Variants in SELENOT observed in about 807,000 individuals in gnomAD.
SELENOT encodes the protein selenoprotein T.
In SELENOT, 9 loss-of-function variants were observed where a neutral mutation model predicts 24.3. That is an observed-to-expected ratio of 0.37 (90% CI 0.22 to 0.65). The LOEUF (loss-of-function observed/expected upper bound fraction) is 0.65, where lower values mean the gene tolerates loss of function less well. Among genes scored for constraint, SELENOT ranks in the 30% least tolerant of loss-of-function variants. The pLI is 0.60. For synonymous variants in SELENOT, 81 were observed against 86.0 expected (o/e 0.94, Z 0.32); for missense variants, 166 against 247.6 (o/e 0.67, Z 2.21).
At chr3:150,605,040 A>AAAAAG (rs1175487807) in intron 1 of SELENOT, among the ~76,000 whole-genome samples, 2 of 151,474 alleles carry the variant, frequency 1.3e-5, no homozygotes, top group African/African-American at 4.8e-5. Context: ...TCCGTCTCAA[A>AAAAAG]AAAAAAAAAA....
chr3:150,615,799 C>T (rs1726198525), intron 1 of SELENOT, among the ~76,000 whole-genome samples: 1 of 152,100 alleles, frequency 6.6e-6, no homozygotes, highest in Admixed American at 6.6e-5. Flanking sequence ...GATTCAATGC[C>T]ATCCCCATCA....
intron 1 of SELENOT, among the ~76,000 whole-genome samples, chr3:150,606,300 G>A (rs1039689494): frequency 2.6e-5 from 4 of 151,722 alleles, no homozygotes; most frequent in Non-Finnish European, 5.9e-5. Flanking sequence ...GCACCACCAC[G>A]CCTGGCTAAT....
intron 3 of SELENOT, among the ~76,000 whole-genome samples, chr3:150,624,188 G>A (rs1726395787): frequency 1.3e-5 from 2 of 152,218 alleles, no homozygotes; most frequent in Middle Eastern, 3.4e-3. Context: ...CCTAGCTCCT[G>A]TGGGGCAGTA....
chr3:150,626,395 TTTGC>T (rs1237595435), intron 4 of SELENOT, among the ~76,000 whole-genome samples: 2 of 152,176 alleles, frequency 1.3e-5, no homozygotes, highest in African/African-American at 4.8e-5. Flanking sequence ...ACCATGTCCA[TTTGC>T]TTGTGTATTG....
Position 150,606,040 on chromosome 3 carries a change from T to G in SELENOT, c.137+2541T>G, listed in dbSNP as rs115071661. Reference sequence around the variant, plus strand: ...TATATCACCTGGTAATTGTACCACTTTTGCAATTGTTAGTCAACACAATAG... The same window carrying G: ...TATATCACCTGGTAATTGTACCACTGTTGCAATTGTTAGTCAACACAATAG... On this transcript the variant is annotated intron_variant, in intron 1 of 5. Coordinates refer to ENST00000471696, the MANE Select transcript of SELENOT (RefSeq NM_016275.5). Among the ~76,000 whole-genome samples, 1,215 of 152,258 alleles carry G rather than the reference T, an allele frequency of 8.0e-3. 19 individuals are homozygous for G. The highest frequency in any genetic ancestry group is 0.028 in the African/African-American group (1,149 of 41,540).
intron 1 of SELENOT, among the ~76,000 whole-genome samples, chr3:150,608,129 A>G (rs1289636092): frequency 6.6e-6 from 1 of 152,222 alleles, no homozygotes; most frequent in Non-Finnish European, 1.5e-5. Flanking sequence ...TGGTGATGCT[A>G]TACCATTCAC....
At chr3:150,619,235 A>AG (rs1392547490) in intron 1 of SELENOT, among the ~76,000 whole-genome samples, 5 of 148,988 alleles carry the variant, frequency 3.4e-5, no homozygotes, top group Admixed American at 2.7e-4. Context: ...AAAAAAAAAA[A>AG]AAAGATTTCT....
intron 1 of SELENOT, among the ~76,000 whole-genome samples, chr3:150,604,646 T>G (rs1725917021): frequency 6.6e-6 from 1 of 152,256 alleles, no homozygotes; most frequent in African/African-American, 2.4e-5. Flanking sequence ...AAAATAATTT[T>G]TAAAAATCGG....
chr3:150,627,238 A>G, intron 5 of SELENOT, 75 bp downstream of exon 5: 3 of 1,098,342 alleles, frequency 2.7e-6, no homozygotes, highest in Non-Finnish European at 3.9e-6. Context: ...TAAATATTAC[A>G]TATATTATCA....
chr3:150,612,499 C>T (rs755889307), intron 1 of SELENOT, among the ~76,000 whole-genome samples: 25 of 152,128 alleles, frequency 1.6e-4, no homozygotes, highest in Non-Finnish European at 2.9e-5. Flanking sequence ...CACATAATTT[C>T]GTTCATATTC....
intron 1 of SELENOT, chr3:150,611,991 G>T (rs993739094): frequency 1.3e-5 from 7 of 554,442 alleles, no homozygotes; most frequent in Non-Finnish European, 2.2e-5. Context: ...CACCAACTGG[G>T]CCTGCTGCTG....
chr3:150,625,292 C>T (rs535778335), intron 4 of SELENOT, among the ~76,000 whole-genome samples: 21 of 152,086 alleles, frequency 1.4e-4, no homozygotes, highest in Non-Finnish European at 2.5e-4. Flanking sequence ...ACATAACCTA[C>T]TCTAAAATAA....
At position 150,612,098 on chromosome 3, in the gene SELENOT, C is replaced by CT. The variant is rs878978274; in HGVS notation, c.137+8612dup. Among the ~76,000 whole-genome samples, 781 of 144,800 alleles carry CT rather than the reference C, an allele frequency of 5.4e-3. 4 individuals are homozygous for CT. The highest frequency in any genetic ancestry group is 0.017 in the South Asian group (76 of 4,552). The allele number at this position is 144,800 out of a possible 152,430, so 95.0% of individuals were successfully genotyped here. A position where few individuals can be genotyped will look rare whatever the true frequency, so the allele number is the denominator to read the frequency against. ...GCTCACTGTTACATGGGGTCTTCAG[C>CT]TTTTTTTTTTTTTGAGACAGAATCT... is the stretch of plus-strand genomic sequence containing the variant. On this transcript the variant is annotated intron_variant, in intron 1 of 5. Transcript: ENST00000471696.
At chr3:150,604,468 A>G (rs965755816) in intron 1 of SELENOT, among the ~76,000 whole-genome samples, 9 of 152,190 alleles carry the variant, frequency 5.9e-5, no homozygotes, top group Admixed American at 5.9e-4. Flanking sequence ...ATCCCAGAAT[A>G]GCCAGATTAG....
At chr3:150,604,198 C>T (rs1725907526) in intron 1 of SELENOT, among the ~76,000 whole-genome samples, 1 of 152,208 alleles carries the variant, frequency 6.6e-6, no homozygotes, top group Non-Finnish European at 1.5e-5. Flanking sequence ...CAGGAGTTGC[C>T]TGCTCTGGCA....
chr3:150,621,151 TAG>T (rs1190256608), intron 1 of SELENOT, among the ~76,000 whole-genome samples: 3 of 152,216 alleles, frequency 2.0e-5, no homozygotes, highest in African/African-American at 7.2e-5. Flanking sequence ...CACTTAAGTA[TAG>T]AGATTTGTAT....
In SELENOT at chr3:150,627,279, G is replaced by A. The variant is rs74501738; in HGVS notation, c.*29+116G>A. 2.0e-5 allele frequency: 16 copies of A among 786,066 alleles called. No individual in the cohort carries two copies. In the East Asian group the frequency reaches 3.8e-4, roughly 19 times the overall value. 48.7% of individuals were successfully genotyped at this position (786,066 alleles called of 1,614,324 possible). A position where few individuals can be genotyped will look rare whatever the true frequency, so the allele number is the denominator to read the frequency against. On this transcript the variant is annotated intron_variant, in intron 5 of 5. Transcript: ENST00000471696. ...GTTTCCAATTTAAGATTAAACAGAG[G>A]GATGTATTCTTCATTAAAATGTTGA...
intron 1 of SELENOT, among the ~76,000 whole-genome samples, chr3:150,616,592 A>G (rs1347726231): frequency 3.3e-5 from 5 of 152,246 alleles, no homozygotes; most frequent in Non-Finnish European, 7.3e-5. Flanking sequence ...CAAAAAACAC[A>G]TGAAAAAATG....
At chr3:150,610,163 T>A (rs1414407496) in intron 1 of SELENOT, among the ~76,000 whole-genome samples, 2 of 152,364 alleles carry the variant, frequency 1.3e-5, no homozygotes, top group African/African-American at 4.8e-5. Flanking sequence ...ATTACAGTGC[T>A]TACTTTTGAA....
Sources: gnomAD v4.1 joint callset for allele counts (sites outside exome capture counted in the v4.1 genomes callset) on GRCh38, gnomAD v4.1.1 for gene constraint, MANE v1.5 for transcripts, NCBI Gene and HGNC (gene_info 2026-07-23, HGNC 2026-07-21) for gene names.